Variants in CDH23 observed in about 807,000 individuals in gnomAD.
The protein encoded by CDH23 is cadherin related 23.
Under a neutral mutation model 317.1 loss-of-function variants are expected in CDH23, and 189 were observed. The ratio of observed to expected loss-of-function variants is 0.60; its 90% confidence interval spans 0.53 to 0.67. CDH23 has a LOEUF of 0.67. Ranked by LOEUF, CDH23 falls within the 30% of genes least tolerant of loss-of-function variation. The pLI is 0.00. For missense variants in CDH23, 4,401 were observed against 4,592.4 expected, an observed-to-expected ratio of 0.96 and a Z score of 1.20; for synonymous variants, 1,839 against 1,876.8, an observed-to-expected ratio of 0.98 and a Z score of 0.52.
At chr10:71,757,043 G>C (rs773618274) in intron 38 of CDH23, among the ~76,000 whole-genome samples, 2 of 152,240 alleles carry the variant, frequency 1.3e-5, no homozygotes, top group Admixed American at 1.3e-4. Flanking sequence ...TCTTAGCAAG[G>C]CTGCATTTTG....
chr10:71,596,792 G>A (rs538861429), intron 9 of CDH23, among the ~76,000 whole-genome samples: 1 of 152,178 alleles, frequency 6.6e-6, no homozygotes, highest in South Asian at 2.1e-4. Context: ...GTGTTGGGCA[G>A]GGGGGAGCAC....
chr10:71,690,064 A>G (rs1865128985), intron 19 of CDH23, among the ~76,000 whole-genome samples: 1 of 152,236 alleles, frequency 6.6e-6, no homozygotes, highest in Non-Finnish European at 1.5e-5. Context: ...AGATAAAACT[A>G]GACTGAAATT....
intron 3 of CDH23, among the ~76,000 whole-genome samples, chr10:71,504,755 G>C (rs1463194910): frequency 6.6e-6 from 1 of 152,200 alleles, no homozygotes; most frequent in Non-Finnish European, 1.5e-5. Context: ...ATCTAAAATG[G>C]GAGCCATAAA....
chr10:71,708,366 A>G (rs1156563727), intron 26 of CDH23, among the ~76,000 whole-genome samples: 2 of 152,132 alleles, frequency 1.3e-5, no homozygotes, highest in African/African-American at 2.4e-5. Context: ...CAAGCTCACC[A>G]CAAAGCTGGT....
intron 40 of CDH23, 27 bp from the exon 41 acceptor site, chr10:71,779,240 C>G: frequency 6.2e-7 from 1 of 1,613,086 alleles, no homozygotes; most frequent in South Asian, 1.1e-5. Context: ...GGGGTGAGGC[C>G]TTGGCTAAGC....
chr10:71,494,386 T>C (rs2132149152), intron 3 of CDH23, among the ~76,000 whole-genome samples: 1 of 152,262 alleles, frequency 6.6e-6, no homozygotes. Flanking sequence ...CTTCTGTGAA[T>C]CATCTGGGGC....
intron 3 of CDH23, among the ~76,000 whole-genome samples, chr10:71,471,655 G>T (rs1168439835): frequency 1.3e-5 from 2 of 152,108 alleles, no homozygotes; most frequent in Admixed American, 1.3e-4. Flanking sequence ...GTCCCCGTGA[G>T]AACTTTTCCC....
chr10:71,532,651 T>C (rs1855441599), intron 6 of CDH23, among the ~76,000 whole-genome samples: 2 of 151,976 alleles, frequency 1.3e-5, no homozygotes, highest in Admixed American at 1.3e-4. Flanking sequence ...GCTTTCCTTA[T>C]ACTAAGGCCT....
chr10:71,795,798 T>C, intron 48 of CDH23: 1 of 987,040 alleles, frequency 1.0e-6, no homozygotes, highest in Non-Finnish European at 1.2e-6. Flanking sequence ...CTAACTGATG[T>C]TAACCCTCTT....
intron 62 of CDH23, 62 bp from the exon 63 acceptor site, chr10:71,811,253 C>A (rs923150634): frequency 1.2e-6 from 2 of 1,611,848 alleles, no homozygotes; most frequent in African/African-American, 2.7e-5. Context: ...AGGAGCAGAG[C>A]AGACTGTCGG....
At chr10:71,673,469 T>G (rs1412777778) in intron 14 of CDH23, among the ~76,000 whole-genome samples, 1 of 152,252 alleles carries the variant, frequency 6.6e-6, no homozygotes, top group African/African-American at 2.4e-5. Context: ...CTGGGATTCC[T>G]CCTGCTCCCC....
chr10:71,441,544 C>A (rs1356215815), intron 2 of CDH23, among the ~76,000 whole-genome samples: 1 of 152,074 alleles, frequency 6.6e-6, no homozygotes, highest in Non-Finnish European at 1.5e-5. Context: ...CATGGCACAA[C>A]CCCAACTCTA....
At chr10:71,507,279 A>T (rs536621924) in intron 3 of CDH23, among the ~76,000 whole-genome samples, 3 of 152,382 alleles carry the variant, frequency 2.0e-5, no homozygotes, top group African/African-American at 7.2e-5. Flanking sequence ...AGTGTTTCCC[A>T]AACTTTGCCA....
chr10:71,434,227 C>A (rs555268661), intron 1 of CDH23, among the ~76,000 whole-genome samples: 1 of 152,310 alleles, frequency 6.6e-6, no homozygotes, highest in African/African-American at 2.4e-5. Context: ...CCCAGTGACC[C>A]TCAGCTGGTT....
At chr10:71,511,059 C>T in intron 5 of CDH23, 58 bp downstream of exon 5, 1 of 1,612,336 alleles carries the variant, frequency 6.2e-7, no homozygotes, top group Non-Finnish European at 8.5e-7. Context: ...TTTCTGGACC[C>T]CTAGGGTGGA....
chr10:71,517,560 G>GA (rs537707731), intron 6 of CDH23, among the ~76,000 whole-genome samples: 3 of 152,212 alleles, frequency 2.0e-5, no homozygotes, highest in African/African-American at 4.8e-5. Context: ...CGAGAAGCTG[G>GA]GGGGGAGATG....
intron 3 of CDH23, among the ~76,000 whole-genome samples, chr10:71,496,822 CTGGTGTA>C (rs1853001241): frequency 9.8e-6 from 1 of 102,416 alleles, no homozygotes; most frequent in Admixed American, 8.6e-5. Flanking sequence ...TGTATGTGGT[CTGGTGTA>C]CAGATGGACA....
intron 6 of CDH23, among the ~76,000 whole-genome samples, chr10:71,549,378 G>C (rs898234505): frequency 1.3e-5 from 2 of 152,236 alleles, no homozygotes; most frequent in African/African-American, 4.8e-5. Context: ...CGGATGCATA[G>C]AGTCCCAGCC....
intron 6 of CDH23, among the ~76,000 whole-genome samples, chr10:71,516,662 TG>T (rs1854349506): frequency 1.3e-5 from 2 of 152,006 alleles, no homozygotes; most frequent in South Asian, 4.1e-4. Flanking sequence ...CACCACCTCC[TG>T]GGGTAGCCAC....
Sources: allele counts gnomAD v4.1 joint callset (sites outside exome capture counted in the v4.1 genomes callset), GRCh38; gene constraint gnomAD v4.1.1; transcripts MANE v1.5; gene names NCBI Gene and HGNC (gene_info 2026-07-23, HGNC 2026-07-21).